PRKN: variants seen among roughly 807,000 people sequenced by gnomAD.
The protein encoded by PRKN is parkin RBR E3 ubiquitin protein ligase, also known as E3 ubiquitin-protein ligase parkin.
Under a neutral mutation model 59.5 loss-of-function variants are expected in PRKN, and 56 were observed. That is an observed-to-expected ratio of 0.94 (90% CI 0.76 to 1.18). PRKN has a LOEUF of 1.18. Ranked by LOEUF, PRKN falls within the 50% of genes most tolerant of loss-of-function variation. The pLI is 0.00. For missense variants in PRKN, 657 were observed against 596.4 expected (o/e 1.10, Z -1.06); for synonymous variants, 250 against 222.1 (o/e 1.13, Z -1.12).
chr6:162,050,682 G>C (rs1467396746), intron 5 of PRKN, among the ~76,000 whole-genome samples: 1 of 152,116 alleles, frequency 6.6e-6, no homozygotes, highest in African/African-American at 2.4e-5. Flanking sequence ...CCTTGGCACA[G>C]GGACCATGAC....
intron 3 of PRKN, among the ~76,000 whole-genome samples, chr6:162,236,124 CTA>C (rs1214418573): frequency 2.0e-5 from 3 of 152,124 alleles, no homozygotes; most frequent in Non-Finnish European, 4.4e-5. Context: ...AATGTAACTG[CTA>C]TAAGTGAATC....
intron 1 of PRKN, among the ~76,000 whole-genome samples, chr6:162,579,700 C>T (rs1780709989): frequency 6.7e-6 from 1 of 148,698 alleles, no homozygotes; most frequent in Non-Finnish European, 1.5e-5. Flanking sequence ...TACATAAACA[C>T]ACAAATTTCA....
chr6:161,642,094 T>C (rs1176978197), intron 7 of PRKN, among the ~76,000 whole-genome samples: 1 of 152,210 alleles, frequency 6.6e-6, no homozygotes, highest in African/African-American at 2.4e-5. Flanking sequence ...ATGAAATGGA[T>C]TAGAAAGCAA....
intron 7 of PRKN, among the ~76,000 whole-genome samples, chr6:161,704,147 C>T (rs963007238): frequency 3.0e-4 from 45 of 152,092 alleles, no homozygotes; most frequent in Non-Finnish European, 5.1e-4. Flanking sequence ...TTAGCCACCA[C>T]GCCCGGCCGA....
chr6:162,528,383 A>C (rs1778379280), intron 1 of PRKN, among the ~76,000 whole-genome samples: 1 of 152,064 alleles, frequency 6.6e-6, no homozygotes, highest in African/African-American at 2.4e-5. Context: ...GACTCAAGAC[A>C]AGTTATAATA....
chr6:161,589,778 CTTTTT>C (rs201984579), intron 7 of PRKN, among the ~76,000 whole-genome samples: 5 of 124,094 alleles, frequency 4.0e-5, no homozygotes, highest in Non-Finnish European at 3.4e-5. Flanking sequence ...GGATTAAATT[CTTTTT>C]TTTTTTTTTT....
chr6:162,138,699 G>A (rs78683981), intron 4 of PRKN, among the ~76,000 whole-genome samples: 7,135 of 152,058 alleles, frequency 0.047, 206 homozygotes, highest in African/African-American at 0.076. Flanking sequence ...AGTGAGTGTT[G>A]AAAGTCTCAA....
At chr6:161,441,377 G>C (rs1269925307) in intron 9 of PRKN, among the ~76,000 whole-genome samples, 1 of 152,108 alleles carries the variant, frequency 6.6e-6, no homozygotes, top group Non-Finnish European at 1.5e-5. Flanking sequence ...AGGTGCGGTG[G>C]TTCATGCCTA....
At chr6:162,522,963 T>TTTCC in intron 1 of PRKN, among the ~76,000 whole-genome samples, 1 of 152,236 alleles carries the variant, frequency 6.6e-6, no homozygotes, top group South Asian at 2.1e-4. Context: ...CTCCTCAAAT[T>TTTCC]TTCCTTCCTC....
chr6:162,613,644 G>A (rs937588409), intron 1 of PRKN, among the ~76,000 whole-genome samples: 15 of 152,112 alleles, frequency 9.9e-5, no homozygotes, highest in African/African-American at 3.4e-4. Context: ...CAATCCTTTA[G>A]TTTTTCAATG....
chr6:162,258,378 T>G (rs1779742055), intron 3 of PRKN, among the ~76,000 whole-genome samples: 3 of 152,156 alleles, frequency 2.0e-5, no homozygotes, highest in Admixed American at 2.0e-4. Flanking sequence ...TGGAGGAGCC[T>G]CCTATTTTTT....
At chr6:161,358,788 C>CGTTTT (rs1784863310) in intron 11 of PRKN, among the ~76,000 whole-genome samples, 2 of 67,820 alleles carry the variant, frequency 2.9e-5, no homozygotes, top group Non-Finnish European at 2.6e-5. Context: ...GCCTTCTGCT[C>CGTTTT]TTTTTTTTTT....
intron 1 of PRKN, among the ~76,000 whole-genome samples, chr6:162,579,389 G>T (rs115614188): frequency 6.6e-6 from 1 of 151,678 alleles, no homozygotes; most frequent in African/African-American, 2.4e-5. Context: ...TCCTTCAGTG[G>T]ACAAAATCTA....
chr6:162,421,956 A>C (rs1788991222), intron 2 of PRKN, among the ~76,000 whole-genome samples: 1 of 152,248 alleles, frequency 6.6e-6, no homozygotes, highest in Non-Finnish European at 1.5e-5. Context: ...ATCTAATTTC[A>C]GCAAGGAAAG....
At chr6:161,756,442 GAAAAAAA>G (rs57399165) in intron 7 of PRKN, among the ~76,000 whole-genome samples, 667 of 74,648 alleles carry the variant, frequency 8.9e-3, no homozygotes, top group African/African-American at 0.023. Context: ...ACCTTGTCTC[GAAAAAAA>G]AAAAAAAAAA....
intron 2 of PRKN, among the ~76,000 whole-genome samples, chr6:162,303,374 A>G (rs1440823616): frequency 6.6e-6 from 1 of 152,172 alleles, no homozygotes; most frequent in Admixed American, 6.5e-5. Context: ...AGGCAAGCCA[A>G]TGTTCTCAGT....
At chr6:161,917,494 G>C (rs1778614548) in intron 6 of PRKN, among the ~76,000 whole-genome samples, 1 of 152,022 alleles carries the variant, frequency 6.6e-6, no homozygotes, top group Non-Finnish European at 1.5e-5. Flanking sequence ...AGCAATTTTG[G>C]CATTAATATT....
intron 1 of PRKN, among the ~76,000 whole-genome samples, chr6:162,619,857 A>T (rs1475586401): frequency 2.0e-5 from 3 of 152,196 alleles, no homozygotes; most frequent in African/African-American, 7.2e-5. Flanking sequence ...GGCCTCATTC[A>T]TTCTGACGAA....
At chr6:162,019,145 C>T (rs1783037348) in intron 5 of PRKN, among the ~76,000 whole-genome samples, 1 of 152,140 alleles carries the variant, frequency 6.6e-6, no homozygotes, top group South Asian at 2.1e-4. Flanking sequence ...ATTCTATAAT[C>T]AAATTTACAT....
Sources: gnomAD v4.1 joint callset for allele counts (sites outside exome capture counted in the v4.1 genomes callset) on GRCh38, gnomAD v4.1.1 for gene constraint, MANE v1.5 for transcripts, NCBI Gene and HGNC (gene_info 2026-07-23, HGNC 2026-07-21) for gene names.